Variants in MRPL1 observed in about 807,000 individuals in gnomAD.
MRPL1 encodes the protein large ribosomal subunit protein uL1m.
In MRPL1, 28 loss-of-function variants were observed where a neutral mutation model predicts 38.0. The ratio of observed to expected loss-of-function variants is 0.74; its 90% CI spans 0.55 to 1.01. The LOEUF (loss-of-function observed/expected upper bound fraction) is 1.01, where lower values mean the gene tolerates loss of function less well. Ranked by LOEUF, MRPL1 falls within the 50% of genes least tolerant of loss-of-function variation. MRPL1 has a pLI of 0.00. For synonymous variants in MRPL1, 123 were observed against 126.7 expected, an observed-to-expected ratio of 0.97 and a Z score of 0.20; for missense variants, 358 against 389.8, an observed-to-expected ratio of 0.92 and a Z score of 0.69.
chr4:77,930,928 A>T (rs1351617375), intron 7 of MRPL1, among the ~76,000 whole-genome samples: 3 of 152,124 alleles, frequency 2.0e-5, no homozygotes, highest in African/African-American at 7.3e-5. Flanking sequence ...AGCTTTTTTG[A>T]AAAGGGGGAA....
chr4:77,867,991 C>G (rs1416610326), intron 1 of MRPL1, among the ~76,000 whole-genome samples: 1 of 151,652 alleles, frequency 6.6e-6, no homozygotes, highest in African/African-American at 2.4e-5. Flanking sequence ...CTCCTGACCT[C>G]GTGATCCGCC....
At chr4:77,907,301 T>C in intron 6 of MRPL1, 1 of 409,136 alleles carries the variant, frequency 2.4e-6, no homozygotes, top group South Asian at 1.0e-4. Flanking sequence ...AGAAATAGTT[T>C]ATTTTGTAGT....
Position 77,871,638 on chromosome 4 carries a change from C to G in MRPL1, c.32-106C>G. 4 of 577,750 alleles carry G rather than the reference C, an allele frequency of 6.9e-6. No individual in the cohort carries two copies. In the South Asian group the frequency reaches 1.1e-4, roughly 16 times the overall value. 35.8% of individuals were successfully genotyped at this position (577,750 alleles called of 1,614,324 possible). A position where few individuals can be genotyped will look rare whatever the true frequency, so the allele number is the denominator to read the frequency against. ...CTTTTAAAAGAAGGATTAAAAATCA[C>G]AAAATATTGAATGTTTTCATTTTGA... On this transcript the variant is annotated intron_variant, in intron 1 of 8. Coordinates refer to ENST00000315567, the MANE Select transcript of MRPL1 (RefSeq NM_020236.4).
intron 7 of MRPL1, among the ~76,000 whole-genome samples, chr4:77,949,166 A>G (rs1737347892): frequency 6.6e-6 from 1 of 152,236 alleles, no homozygotes; most frequent in South Asian, 2.1e-4. Flanking sequence ...TTTAGGAAGA[A>G]TAAGAGTAAT....
intron 7 of MRPL1, among the ~76,000 whole-genome samples, chr4:77,923,603 A>T (rs940305094): frequency 1.3e-5 from 2 of 152,048 alleles, no homozygotes; most frequent in Non-Finnish European, 2.9e-5. Context: ...TAATTTTTGT[A>T]TCATGACTCA....
rs11327498 is a variant in MRPL1, at chr4:77,871,308, C to CTT, written c.32-423_32-422dup. Among the ~76,000 whole-genome samples the CTT allele has an allele frequency of 5.6e-5, 8 of 144,054 alleles. 1 individual carries two copies. Among genetic ancestry groups the CTT allele is most frequent in the East Asian group, 2.0e-4 (1 of 4,972 alleles). The allele number at this position is 144,054 out of a possible 152,430, so 94.5% of individuals were successfully genotyped here. On this transcript the variant is annotated intron_variant, in intron 1 of 8. Coordinates refer to ENST00000315567, the MANE Select transcript of MRPL1 (RefSeq NM_020236.4). ...AAGAACTGTGGTTTCTATTATTACA[C>CTT]TTTTTTTTTTTTTTGAGATGGAGTA...
At chr4:77,872,568 CT>C (rs1201765447) in intron 2 of MRPL1, among the ~76,000 whole-genome samples, 1 of 152,068 alleles carries the variant, frequency 6.6e-6, no homozygotes, top group African/African-American at 2.4e-5. Flanking sequence ...CCCGTGTCTA[CT>C]AAAAATACAA....
intron 7 of MRPL1, among the ~76,000 whole-genome samples, chr4:77,935,543 C>T (rs189652492): frequency 3.3e-5 from 5 of 152,026 alleles, no homozygotes; most frequent in African/African-American, 4.8e-5. Context: ...TACAGGTGCC[C>T]GCCATCATAC....
chr4:77,871,642 A>G (rs1735284051), intron 1 of MRPL1, 102 bp from the exon 2 acceptor site: 2 of 587,018 alleles, frequency 3.4e-6, no homozygotes, highest in Admixed American at 3.8e-5. Context: ...AAATCACAAA[A>G]TATTGAATGT....
chr4:77,936,168 A>T (rs1560474451), intron 7 of MRPL1, among the ~76,000 whole-genome samples: 2 of 148,900 alleles, frequency 1.3e-5, no homozygotes, highest in South Asian at 4.2e-4. Context: ...GTATGGACGT[A>T]TTTTTTTTTT....
At chr4:77,901,433 T>A (rs1370355169) in intron 6 of MRPL1, among the ~76,000 whole-genome samples, 2 of 150,562 alleles carry the variant, frequency 1.3e-5, no homozygotes, top group African/African-American at 4.9e-5. Flanking sequence ...TAATTGGAAA[T>A]GGACCACACA....
intron 6 of MRPL1, among the ~76,000 whole-genome samples, chr4:77,902,473 G>GAAGCAAATT (rs374407937): frequency 4.2e-4 from 61 of 145,306 alleles, no homozygotes; most frequent in Middle Eastern, 3.8e-3. Context: ...TAGAAAAAAA[G>GAAGCAAATT]AAGCAAATTA....
intron 5 of MRPL1, among the ~76,000 whole-genome samples, chr4:77,889,565 A>C (rs1261144963): frequency 2.0e-5 from 3 of 152,214 alleles, no homozygotes; most frequent in Non-Finnish European, 4.4e-5. Flanking sequence ...CATCACAATT[A>C]AAAGAACTAG....
chr4:77,909,515 A>G lies in MRPL1; in HGVS notation c.777+143A>G. 5.3e-6 allele frequency: 3 copies of G among 565,056 alleles called. No individual in the cohort carries two copies. In the South Asian group the frequency reaches 7.4e-5, roughly 14 times the overall value. The allele number at this position is 565,056 out of a possible 1,614,324, so 35.0% of individuals were successfully genotyped here. A position where few individuals can be genotyped will look rare whatever the true frequency, so the allele number is the denominator to read the frequency against. On this transcript the variant is annotated intron_variant, in intron 7 of 8. Coordinates refer to ENST00000315567, the MANE Select transcript of MRPL1 (RefSeq NM_020236.4). ...AGAATGGCATTAAACATACGCATAG[A>G]TACTTTTTTTATTCTATAAATTAAA...
chr4:77,885,411 G>T, intron 4 of MRPL1, 72 bp downstream of exon 4: 1 of 1,228,740 alleles, frequency 8.1e-7, no homozygotes, highest in Non-Finnish European at 1.2e-6. Flanking sequence ...TCTGTCACCA[G>T]TCTGGAGTGC....
chr4:77,893,846 A>G (rs1177697694), intron 5 of MRPL1, among the ~76,000 whole-genome samples: 2 of 152,210 alleles, frequency 1.3e-5, no homozygotes, highest in African/African-American at 2.4e-5. Flanking sequence ...TCTGTAAGCC[A>G]TGCACACATT....
At chr4:77,948,201 G>A (rs1737316866) in intron 7 of MRPL1, among the ~76,000 whole-genome samples, 1 of 152,230 alleles carries the variant, frequency 6.6e-6, no homozygotes, top group East Asian at 1.9e-4. Flanking sequence ...GTAGGTATAG[G>A]TCTTTAGCGG....
chr4:77,900,367 C>A (rs1453815209), intron 6 of MRPL1, among the ~76,000 whole-genome samples: 1 of 152,068 alleles, frequency 6.6e-6, no homozygotes, highest in Non-Finnish European at 1.5e-5. Context: ...GAGATGAGAG[C>A]AAACTGCTGC....
At chr4:77,921,311 G>A (rs1306033827) in intron 7 of MRPL1, among the ~76,000 whole-genome samples, 3 of 152,122 alleles carry the variant, frequency 2.0e-5, no homozygotes, top group Non-Finnish European at 4.4e-5. Flanking sequence ...TCTAGTTAGG[G>A]TATAGATAAT....
Sources: allele counts gnomAD v4.1 joint callset (sites outside exome capture counted in the v4.1 genomes callset), GRCh38; gene constraint gnomAD v4.1.1; transcripts MANE v1.5; gene names NCBI Gene and HGNC (gene_info 2026-07-23, HGNC 2026-07-21).